The following ZFP69B variants were observed in gnomAD, a reference collection of about 807,000 sequenced individuals.
The protein encoded by ZFP69B is ZFP69 zinc finger protein B.
A neutral mutation model predicts 19.7 loss-of-function variants in ZFP69B; 20 were observed. The ratio of observed to expected loss-of-function variants is 1.02; its 90% CI spans 0.71 to 1.48. The LOEUF is 1.48. Among genes scored for constraint, ZFP69B ranks in the 40% most tolerant of loss-of-function variants. ZFP69B has a pLI of 0.00. For missense variants in ZFP69B, 583 were observed against 632.6 expected (o/e 0.92, Z 0.84); for synonymous variants, 220 against 222.7 (o/e 0.99, Z 0.11).
chr1:40,450,083 C>T (rs934692528), upstream of ZFP69B: 1 of 152,260 alleles, frequency 6.6e-6, no homozygotes, highest in Non-Finnish European at 1.5e-5. Flanking sequence ...CCCGACTGCC[C>T]GCCGCAGCGC....
Position 40,457,447 on chromosome 1 carries a change from C to G in ZFP69B, c.436+8C>G. 1 of 1,612,254 alleles carries G rather than the reference C, an allele frequency of 6.2e-7. No individual in the cohort carries two copies. Among genetic ancestry groups the G allele is most frequent in the Non-Finnish European group, 8.5e-7 (1 of 1,178,386 alleles). On this transcript the variant is annotated splice_region_variant and intron_variant, in intron 4 of 4. Transcript: ENST00000361584. ...CAGGAGTTCCAAGTTCAGGTAAGTG[C>G]AAGGCAGGTGGGGCCTTTGTGATGT...
chr1:40,463,426 G>A lies in ZFP69B; in HGVS notation c.1442G>A (p.Gly481Glu), dbSNP rs1348437934. The A allele has an allele frequency of 6.2e-7, 1 of 1,614,058 alleles. No homozygotes were observed. Among genetic ancestry groups the A allele is most frequent in the South Asian group, 1.1e-5 (1 of 91,078 alleles). The change falls in exon 5 of 5, where the codon GGG becomes GAG. Residue 481 changes from glycine to glutamate, a missense_variant. Gly to Glu is a moderately conservative substitution (Grantham distance 98, BLOSUM62 -2). Coordinates refer to ENST00000361584, the MANE Select transcript of ZFP69B (RefSeq NM_023070.3). ...GVKPYECSHC[G>E]KAFRHDSSFA... ...AAACCTTATGAATGCAGTCATTGTG[G>A]GAAAGCCTTTAGGCATGATTCATCC...
Position 40,454,218 on chromosome 1 carries a change from A to T in ZFP69B, c.143A>T (p.Asp48Val). The change falls in exon 2 of 5, where the codon GAT becomes GTT. Residue 48 changes from aspartate to valine, a missense_variant. Asp to Val is a radical substitution (Grantham distance 152). Transcript: ENST00000361584. ...CCTTCCCCAGCTCTGCTGTCTCAGGATGCTGATGAGACCCAGGGCGAAAGT... is the reference window on the plus strand; with the variant it reads ...CCTTCCCCAGCTCTGCTGTCTCAGGTTGCTGATGAGACCCAGGGCGAAAGT... ...MFKAEALLSQ[D>V]ADETQGESLE... The T allele has an allele frequency of 6.2e-7, 1 of 1,603,334 alleles. No individual in the cohort carries two copies. The highest frequency in any genetic ancestry group is 1.1e-5 in the South Asian group (1 of 88,486).
Position 40,454,524 on chromosome 1 carries a change from G to A in ZFP69B, c.213+236G>A, listed in dbSNP as rs182820974. Among the ~76,000 whole-genome samples the A allele has an allele frequency of 7.5e-3, 1,140 of 151,932 alleles. 10 individuals carry two copies. The highest frequency in any genetic ancestry group is 0.012 in the Non-Finnish European group (787 of 67,958). Reference sequence around the variant, plus strand: ...CGCCATTCTCCTGCCTCAGCCTCCCGAGTAGCTGGGACTACAGGTGCCCAC... The same window carrying A: ...CGCCATTCTCCTGCCTCAGCCTCCCAAGTAGCTGGGACTACAGGTGCCCAC... On this transcript the variant is annotated intron_variant, in intron 2 of 4. Coordinates refer to ENST00000361584, the MANE Select transcript of ZFP69B (RefSeq NM_023070.3).
At chr1:40,451,930 G>T (rs758030085) in intron 1 of ZFP69B, among the ~76,000 whole-genome samples, 3 of 152,110 alleles carry the variant, frequency 2.0e-5, no homozygotes, top group Non-Finnish European at 4.4e-5. Context: ...TTTGAGACCA[G>T]CCTGGCCAAC....
rs1645298033 is a variant in ZFP69B at position 40,462,544 on chromosome 1, G to A, written c.560G>A (p.Gly187Glu). ...GGAAGCAGCATGTATTCCACCTTGG[G>A]AAGAATCTCCAAATGTAATAAGCTA... is the stretch of plus-strand genomic sequence containing the variant. ...TKGSSMYSTL[G>E]RISKCNKLES... The change falls in exon 5 of 5, where the codon GGA becomes GAA. Residue 187 changes from glycine (G) to glutamate (E), a missense_variant. Coordinates refer to ENST00000361584, the MANE Select transcript of ZFP69B (RefSeq NM_023070.3). 6.2e-7 allele frequency: 1 copy of A among 1,613,994 alleles called. No homozygotes were observed. Among genetic ancestry groups the A allele is most frequent in the Non-Finnish European group, 8.5e-7 (1 of 1,180,040 alleles).
chr1:40,450,922 C>G lies in ZFP69B; in HGVS notation c.-40C>G. On this transcript the variant is annotated 5_prime_UTR_variant, in exon 1 of 5. Coordinates refer to ENST00000361584, the MANE Select transcript of ZFP69B (RefSeq NM_023070.3). ...ATCAGAGGTGGACAAGCCCTATGGG[C>G]TAAGACAGAGGGTCCTCAGAAAGGA... 1 of 1,520,104 alleles carries G rather than the reference C, an allele frequency of 6.6e-7. No homozygotes were observed. The highest frequency in any genetic ancestry group is 1.2e-5 in the South Asian group (1 of 80,332). 94.2% of individuals were successfully genotyped at this position (1,520,104 alleles called of 1,614,324 possible).
In ZFP69B at chr1:40,462,891, G is replaced by T. The variant is rs768111486; in HGVS notation, c.907G>T (p.Gly303Trp). The part of the protein sequence containing the change: ...HLTEHMRIHT[G>W]EKPFRCKECG... The stretch of plus-strand genomic sequence containing the variant: ...TACTGAACACATGAGAATTCATACC[G>T]GGGAGAAACCTTTCAGATGTAAGGA... The change falls in exon 5 of 5, where the codon GGG (glycine) becomes TGG (tryptophan). Residue 303 changes from glycine to tryptophan, a missense_variant. Physicochemically the swap from Gly to Trp is radical, Grantham distance 184. Coordinates refer to ENST00000361584, the MANE Select transcript of ZFP69B (RefSeq NM_023070.3). The T allele has an allele frequency of 6.2e-7, 1 of 1,614,062 alleles. No individual in the cohort carries two copies.
chr1:40,462,691 C>G lies in ZFP69B; in HGVS notation c.707C>G (p.Ser236Ter). The G allele has an allele frequency of 6.2e-7, 1 of 1,614,048 alleles. No individual in the cohort carries two copies. Among genetic ancestry groups the G allele is most frequent in the Non-Finnish European group, 8.5e-7 (1 of 1,180,018 alleles). Residue 236 changes from serine (S) to a stop codon, truncating the protein, a stop_gained, in exon 5 of 5, where the codon TCA becomes TGA. Transcript: ENST00000361584. LOFTEE classifies it low-confidence loss of function (END_TRUNC). Reference protein sequence around the residue: ...NRFEKRINVKSEVMPGPIGLP... With the variant: ...NRFEKRINVK The stretch of plus-strand genomic sequence containing the variant: ...TTTGAGAAAAGAATTAATGTGAAGT[C>G]AGAAGTTATGCCAGGACCAATAGGT...
intron 1 of ZFP69B, among the ~76,000 whole-genome samples, chr1:40,453,842 AACCTGGGTG>A (rs150457630): frequency 0.051 from 7,814 of 152,266 alleles, 302 homozygotes; most frequent in Non-Finnish European, 0.079. Context: ...ACTGCCCTCC[AACCTGGGTG>A]ACAGAGCAAT....
rs771774983 is a variant in ZFP69B, at chr1:40,451,662, G to GT, written c.127+574_127+575insT. On this transcript the variant is annotated intron_variant, in intron 1 of 4. Transcript: ENST00000361584. ...AAAATAGAGAAAGACGTGGGGGGGGGGGAATTCATTTGCAAACATTGGAGG... is the reference window on the plus strand; with the variant it reads ...AAAATAGAGAAAGACGTGGGGGGGGGTGGAATTCATTTGCAAACATTGGAGG... Among the ~76,000 whole-genome samples the GT allele has an allele frequency of 2.1e-4, 30 of 144,042 alleles. 1 individual carries two copies. The highest frequency in any genetic ancestry group is 7.6e-4 in the African/African-American group (30 of 39,628). 94.5% of individuals were successfully genotyped at this position (144,042 alleles called of 152,430 possible). A position where few individuals can be genotyped will look rare whatever the true frequency, so the allele number is the denominator to read the frequency against.
Position 40,454,207 on chromosome 1 carries a change from G to T in ZFP69B, c.132G>T (p.Leu44=), listed in dbSNP as rs1160019780. The change falls in exon 2 of 5, where the codon CTG becomes CTT. Residue 44 remains leucine (L), a synonymous_variant. Coordinates refer to ENST00000361584, the MANE Select transcript of ZFP69B (RefSeq NM_023070.3). ...ATGGCTCTTTTCCTTCCCCAGCTCT[G>T]CTGTCTCAGGATGCTGATGAGACCC... is the stretch of plus-strand genomic sequence containing the variant. ...DVTKMFKAEA[L]LSQDADETQG... is the part of the protein sequence containing the mutation. 6.3e-7 allele frequency: 1 copy of T among 1,596,210 alleles called. No individual in the cohort carries two copies. Among genetic ancestry groups the T allele is most frequent in the Non-Finnish European group, 8.5e-7 (1 of 1,170,304 alleles).
chr1:40,457,597 CATT>C (rs1286673814), intron 4 of ZFP69B, among the ~76,000 whole-genome samples, 158 bp downstream of exon 4: 1 of 152,216 alleles, frequency 6.6e-6, no homozygotes, highest in East Asian at 1.9e-4. Flanking sequence ...TCCATCTTCT[CATT>C]AGTCTCTCTG....
At position 40,463,432 on chromosome 1, in the gene ZFP69B, C is replaced by G. The variant is rs752995437; in HGVS notation, c.1448C>G (p.Ala483Gly). The G allele has an allele frequency of 8.1e-6, 13 of 1,614,086 alleles. No individual in the cohort carries two copies. Among genetic ancestry groups the G allele is most frequent in the South Asian group, 1.1e-5 (1 of 91,086 alleles). ...TATGAATGCAGTCATTGTGGGAAAG[C>G]CTTTAGGCATGATTCATCCTTTGCT... ...KPYECSHCGK[A>G]FRHDSSFAKH... The change falls in exon 5 of 5, where the codon GCC becomes GGC. Residue 483 changes from alanine to glycine, a missense_variant. Coordinates refer to ENST00000361584, the MANE Select transcript of ZFP69B (RefSeq NM_023070.3).
intron 4 of ZFP69B, 128 bp downstream of exon 4, chr1:40,457,567 T>G: frequency 5.7e-6 from 4 of 696,176 alleles, no homozygotes; most frequent in South Asian, 1.9e-5. Context: ...CTGTTATCTC[T>G]GTCACCCTTT....
chr1:40,453,890 A>T (rs1265003781), intron 1 of ZFP69B, among the ~76,000 whole-genome samples: 8 of 152,168 alleles, frequency 5.3e-5, no homozygotes, highest in South Asian at 4.1e-4. Context: ...AATAATAATT[A>T]AAAAATAACA....
At chr1:40,453,904 AAG>A (rs1333058067) in intron 1 of ZFP69B, among the ~76,000 whole-genome samples, 7 of 152,150 alleles carry the variant, frequency 4.6e-5, no homozygotes, top group Non-Finnish European at 8.8e-5. Context: ...AATAACAAAA[AAG>A]AAATCTATAT....
chr1:40,459,928 T>A (rs992170689), intron 4 of ZFP69B, among the ~76,000 whole-genome samples: 8 of 152,176 alleles, frequency 5.3e-5, no homozygotes, highest in Admixed American at 5.2e-4. Flanking sequence ...ATAGGAATAG[T>A]AAGGGTAAAT....
Position 40,457,030 on chromosome 1 carries a change from G to T in ZFP69B, c.299G>T (p.Arg100Leu). ...QLAPAHRNLY[R>L]EVMLENYGNL... ...GCCCCTGCTCACCGGAATCTGTACCGGGAGGTGATGCTGGAGAACTATGGG... is the reference window on the plus strand; with the variant it reads ...GCCCCTGCTCACCGGAATCTGTACCTGGAGGTGATGCTGGAGAACTATGGG... The change falls in exon 3 of 5, where the codon CGG (arginine) becomes CTG (leucine). Residue 100 changes from arginine (R) to leucine (L), a missense_variant. By Grantham distance (102) the Arg-to-Leu change is moderately radical. Transcript: ENST00000361584. The T allele has an allele frequency of 1.2e-6, 2 of 1,611,998 alleles. No homozygotes were observed. Among genetic ancestry groups the T allele is most frequent in the Non-Finnish European group, 1.7e-6 (2 of 1,179,256 alleles).
Sources: gnomAD v4.1 joint callset for allele counts (sites outside exome capture counted in the v4.1 genomes callset) on GRCh38, gnomAD v4.1.1 for gene constraint, MANE v1.5 for transcripts, NCBI Gene and HGNC (gene_info 2026-07-23, HGNC 2026-07-21) for gene names.